The following BFAR variants were observed in gnomAD, a reference collection of about 807,000 sequenced individuals.
BFAR encodes RING finger protein 47.
A neutral mutation model predicts 54.4 loss-of-function variants in BFAR; 52 were observed. That is an observed-to-expected ratio of 0.96 (90% CI 0.77 to 1.21). BFAR has a LOEUF of 1.21. Among genes scored for constraint, BFAR ranks in the 50% most tolerant of loss-of-function variants. The pLI is 0.00. For missense variants in BFAR, 571 were observed against 534.0 expected, an observed-to-expected ratio of 1.07 and a Z score of -0.68; for synonymous variants, 215 against 204.3, an observed-to-expected ratio of 1.05 and a Z score of -0.45.
intron 1 of BFAR, among the ~76,000 whole-genome samples, chr16:14,637,742 T>C (rs532323270): frequency 6.6e-6 from 1 of 151,470 alleles, no homozygotes; most frequent in African/African-American, 2.4e-5. Context: ...GGCAGGAGAA[T>C]CGCTTGAACA....
chr16:14,658,523 G>A (rs1187007302), intron 5 of BFAR, among the ~76,000 whole-genome samples: 1 of 151,936 alleles, frequency 6.6e-6, no homozygotes, highest in Non-Finnish European at 1.5e-5. Flanking sequence ...TTCATTAAAA[G>A]GAAAACCTCC....
At chr16:14,650,843 G>A (rs1254640219) in intron 4 of BFAR, among the ~76,000 whole-genome samples, 2 of 152,162 alleles carry the variant, frequency 1.3e-5, no homozygotes, top group East Asian at 3.8e-4. Context: ...TTTCAATACT[G>A]TCTTGGAGTG....
Position 14,648,427 on chromosome 16 carries a change from G to C in BFAR, c.303G>C (p.Leu101=), listed in dbSNP as rs915806651. 1 of 1,613,710 alleles carries C rather than the reference G, an allele frequency of 6.2e-7. No homozygotes were observed. The highest frequency in any genetic ancestry group is 1.1e-5 in the South Asian group (1 of 91,072). The change falls in exon 3 of 8, where the codon CTG becomes CTC. Residue 101 remains leucine (L), a synonymous_variant. Transcript: ENST00000261658. ...IEKLFPDAIR[L]RFEDIQQNND... is the part of the protein sequence containing the mutation. ...AGTTATTTCCTGATGCCATTAGACT[G>C]AGATTTGAAGACATTCAGCAGAATA...
intron 7 of BFAR, among the ~76,000 whole-genome samples, chr16:14,666,068 C>CT (rs1960433665): frequency 6.6e-6 from 1 of 152,168 alleles, no homozygotes; most frequent in Non-Finnish European, 1.5e-5. Context: ...CCCTTGTCTT[C>CT]TCCACTCCAG....
At chr16:14,638,728 G>A (rs915172122) in intron 1 of BFAR, among the ~76,000 whole-genome samples, 12 of 152,098 alleles carry the variant, frequency 7.9e-5, no homozygotes, top group African/African-American at 2.4e-4. Flanking sequence ...GGTGGATCAC[G>A]TGAGGTCAGG....
At chr16:14,665,098 A>G (rs1186208064) in intron 7 of BFAR, 27 bp downstream of exon 7, 4 of 1,568,858 alleles carry the variant, frequency 2.5e-6, no homozygotes, top group Non-Finnish European at 3.5e-6. Flanking sequence ...GGTTGTCACA[A>G]CAGGGGATGG....
At chr16:14,644,822 A>T (rs1959742686) in intron 2 of BFAR, among the ~76,000 whole-genome samples, 1 of 152,028 alleles carries the variant, frequency 6.6e-6, no homozygotes, top group Non-Finnish European at 1.5e-5. Flanking sequence ...GCTTTCTCTT[A>T]ACAGGAACAG....
At chr16:14,643,572 C>T (rs1186889233) in intron 1 of BFAR, among the ~76,000 whole-genome samples, 2 of 152,086 alleles carry the variant, frequency 1.3e-5, no homozygotes, top group East Asian at 1.9e-4. Context: ...ATTAGAGCTC[C>T]AGCCTGGGCA....
At chr16:14,651,954 C>A (rs913960538) in intron 4 of BFAR, among the ~76,000 whole-genome samples, 3 of 143,746 alleles carry the variant, frequency 2.1e-5, no homozygotes, top group African/African-American at 7.7e-5. Context: ...TGGTGTGATC[C>A]TGGCTCACTG....
Position 14,649,873 on chromosome 16 carries a change from GC to G in BFAR, c.540del (p.Lys181AsnfsTer30), listed in dbSNP as rs763611323. On this transcript the variant is annotated frameshift_variant, in exon 4 of 8. Transcript: ENST00000261658. LOFTEE classifies it high-confidence loss of function. ...EHDLLVHKAV[A>X]KWTAEEVVLW... ...CGACCTCCTGGTCCACAAGGCTGTG[GC>G]CAAATGGACGGCGGAAGAAGTTGTC... 1 of 1,613,438 alleles carries G rather than the reference GC, an allele frequency of 6.2e-7. No individual in the cohort carries two copies. Among genetic ancestry groups the G allele is most frequent in the Non-Finnish European group, 8.5e-7 (1 of 1,179,672 alleles).
intron 1 of BFAR, among the ~76,000 whole-genome samples, chr16:14,635,815 A>T (rs933095740): frequency 6.6e-6 from 1 of 151,620 alleles, no homozygotes; most frequent in South Asian, 2.1e-4. Context: ...TATTTTTAGT[A>T]GATACGGGGT....
chr16:14,648,349 C>G, intron 2 of BFAR, 39 bp from the exon 3 acceptor site: 2 of 1,530,668 alleles, frequency 1.3e-6, no homozygotes, highest in South Asian at 1.1e-5. Context: ...GATATTTAGT[C>G]AAACAACTGT....
intron 5 of BFAR, among the ~76,000 whole-genome samples, chr16:14,659,265 CAG>C (rs1012271034): frequency 1.4e-5 from 2 of 138,152 alleles, no homozygotes; most frequent in African/African-American, 2.7e-5. Flanking sequence ...TTTTTTGAAA[CAG>C]AGTCTCGCTC....
Position 14,637,252 on chromosome 16 carries a change from G to T in BFAR, c.-74+4234G>T, listed in dbSNP as rs986905867. ...AGCTGTGCAGTAGCATCTCTATGAT[G>T]TGGCCTAGATGATAAAGGAGTAAAT... On this transcript the variant is annotated intron_variant, in intron 1 of 7. Transcript: ENST00000261658. 3.3e-5 allele frequency among the ~76,000 whole-genome samples: 5 copies of T among 152,138 alleles called. No individual in the cohort carries two copies. The South Asian group carries it at 1.0e-3, about 31-fold the overall frequency.
chr16:14,652,275 T>G (rs1040665559), intron 4 of BFAR, among the ~76,000 whole-genome samples: 1 of 151,772 alleles, frequency 6.6e-6, no homozygotes, highest in African/African-American at 2.4e-5. Context: ...ACCACATTAA[T>G]ATATATTTTT....
At chr16:14,666,388 T>C (rs1378713855) in intron 7 of BFAR, among the ~76,000 whole-genome samples, 3 of 152,110 alleles carry the variant, frequency 2.0e-5, no homozygotes, top group Non-Finnish European at 2.9e-5. Flanking sequence ...CTGGCCAACA[T>C]AGTGAAACCT....
intron 7 of BFAR, 123 bp downstream of exon 7, chr16:14,665,194 T>C: frequency 1.0e-6 from 1 of 999,984 alleles, no homozygotes; most frequent in Non-Finnish European, 1.5e-6. Flanking sequence ...CTTCAGACTC[T>C]GCTTTGAGAA....
chr16:14,663,492 C>T (rs1165377019), intron 6 of BFAR, among the ~76,000 whole-genome samples: 6 of 152,074 alleles, frequency 3.9e-5, no homozygotes, highest in East Asian at 1.9e-4. Context: ...CCACCACACC[C>T]GGCTAATTTT....
In BFAR at chr16:14,664,937, G is replaced by A. The variant is rs1960398851; in HGVS notation, c.1026G>A (p.Gln342=). 1 of 1,613,952 alleles carries A rather than the reference G, an allele frequency of 6.2e-7. No homozygotes were observed. Among genetic ancestry groups the A allele is most frequent in the Non-Finnish European group, 8.5e-7 (1 of 1,179,962 alleles). Reference sequence around the variant, plus strand: ...TCAAATACTCCTTCCTTCCATACCAGCTGATTGCTGAGTTTGCTTGGGACT... The same window carrying A: ...TCAAATACTCCTTCCTTCCATACCAACTGATTGCTGAGTTTGCTTGGGACT... ...FLVKYSFLPY[Q]LIAEFAWDWL... The change falls in exon 7 of 8, where the codon CAG becomes CAA. Residue 342 remains glutamine, a synonymous_variant. Transcript: ENST00000261658.
Sources: gnomAD v4.1 joint callset for allele counts (sites outside exome capture counted in the v4.1 genomes callset) on GRCh38, gnomAD v4.1.1 for gene constraint, MANE v1.5 for transcripts, NCBI Gene and HGNC (gene_info 2026-07-23, HGNC 2026-07-21) for gene names.